Variants in BCL2 observed in about 807,000 individuals in gnomAD.
The protein encoded by BCL2 is BCL2 apoptosis regulator.
BCL2 carries 1 observed loss-of-function variant against 14.2 expected under a neutral mutation model. That is an observed-to-expected ratio of 0.07 (90% CI 0.02 to 0.33). BCL2 has a LOEUF of 0.33. BCL2 is among the 10% of genes least tolerant of loss of function. The pLI, the probability that BCL2 is intolerant of heterozygous loss-of-function variation, is 0.99. For missense variants in BCL2, 247 were observed against 305.9 expected (o/e 0.81, Z 1.44); for synonymous variants, 151 against 137.2 (o/e 1.10, Z -0.70).
intron 2 of BCL2, among the ~76,000 whole-genome samples, chr18:63,246,706 T>C (rs1292134432): frequency 1.3e-5 from 2 of 152,202 alleles, no homozygotes; most frequent in Non-Finnish European, 2.9e-5. Context: ...ACGTTATCCA[T>C]TTTGTTGTCT....
At chr18:63,230,575 A>T (rs978954802) in intron 2 of BCL2, among the ~76,000 whole-genome samples, 1 of 152,138 alleles carries the variant, frequency 6.6e-6, no homozygotes, top group Non-Finnish European at 1.5e-5. Context: ...ATAGGTAAAT[A>T]TTTGACAAGA....
At chr18:63,186,039 C>G (rs1915587208) in intron 2 of BCL2, among the ~76,000 whole-genome samples, 1 of 152,192 alleles carries the variant, frequency 6.6e-6, no homozygotes, top group Non-Finnish European at 1.5e-5. Context: ...CTGCTGATCA[C>G]TCAGTAATCT....
At chr18:63,155,385 C>T (rs1568217889) in intron 2 of BCL2, among the ~76,000 whole-genome samples, 1 of 151,982 alleles carries the variant, frequency 6.6e-6, no homozygotes, top group Non-Finnish European at 1.5e-5. Context: ...GGATGAGTCA[C>T]GAGACAGGAC....
At chr18:63,310,568 T>C (rs1913282411) in intron 2 of BCL2, among the ~76,000 whole-genome samples, 1 of 152,234 alleles carries the variant, frequency 6.6e-6, no homozygotes, top group Non-Finnish European at 1.5e-5. Context: ...GATTGGTAAG[T>C]TCCTTGAAGG....
At chr18:63,183,210 C>A (rs944719591) in intron 2 of BCL2, among the ~76,000 whole-genome samples, 1 of 152,194 alleles carries the variant, frequency 6.6e-6, no homozygotes, top group Admixed American at 6.5e-5. Context: ...TCATGGAGGG[C>A]AAGCCACCAG....
chr18:63,173,938 T>C (rs1185987894), intron 2 of BCL2, among the ~76,000 whole-genome samples: 1 of 152,202 alleles, frequency 6.6e-6, no homozygotes, highest in Non-Finnish European at 1.5e-5. Flanking sequence ...AATTTCAGTA[T>C]AGAAAGGGTT....
chr18:63,211,067 T>C (rs1226912070), intron 2 of BCL2, among the ~76,000 whole-genome samples: 2 of 127,186 alleles, frequency 1.6e-5, no homozygotes, highest in African/African-American at 6.0e-5. Flanking sequence ...TCATTTCTTT[T>C]TTTTTTTTTT....
intron 2 of BCL2, among the ~76,000 whole-genome samples, chr18:63,308,265 T>C (rs961656954): frequency 2.0e-5 from 3 of 152,226 alleles, no homozygotes; most frequent in Non-Finnish European, 4.4e-5. Flanking sequence ...CTTATTTTTA[T>C]GGGAGAAGAA....
chr18:63,154,549 G>A (rs1914726133), intron 2 of BCL2, among the ~76,000 whole-genome samples: 1 of 152,124 alleles, frequency 6.6e-6, no homozygotes, highest in Admixed American at 6.5e-5. Flanking sequence ...GGCAGCATCA[G>A]CTGCAGCCTC....
intron 2 of BCL2, among the ~76,000 whole-genome samples, chr18:63,219,450 A>ATTT: frequency 7.2e-6 from 1 of 138,648 alleles, no homozygotes; most frequent in South Asian, 2.3e-4. Context: ...CCACAGCAGA[A>ATTT]CTTTTTTTTT....
Position 63,212,219 on chromosome 18 carries a change from G to A in BCL2, c.586-83460C>T, listed in dbSNP as rs940535888. Among the ~76,000 whole-genome samples, 48 of 151,450 alleles carry A rather than the reference G, an allele frequency of 3.2e-4. 2 individuals are homozygous for A. Among genetic ancestry groups the A allele is most frequent in the East Asian group, 3.9e-4 (2 of 5,120 alleles). On this transcript the variant is annotated intron_variant, in intron 2 of 2. Coordinates refer to ENST00000333681, the MANE Select transcript of BCL2 (RefSeq NM_000633.3). ...CGGGCGCCTGTAGTCCCAGCTACTC[G>A]GGAGGCTGAGGCGAGACAGAATTGC...
chr18:63,318,871 C>T lies in BCL2; in HGVS notation c.-205G>A. 1.4e-6 allele frequency: 2 copies of T among 1,411,640 alleles called. No homozygotes were observed. The highest frequency in any genetic ancestry group is 1.9e-6 in the Non-Finnish European group (2 of 1,080,918). The allele number at this position is 1,411,640 out of a possible 1,614,324, so 87.4% of individuals were successfully genotyped here. A position where few individuals can be genotyped will look rare whatever the true frequency, so the allele number is the denominator to read the frequency against. On this transcript the variant is annotated 5_prime_UTR_variant, in exon 2 of 3. Transcript: ENST00000333681. The surrounding 1 kb of genome is among the most constrained non-coding windows in gnomAD (Gnocchi z 7.4). ...GCATGAGATGCAGGAAATTTTTATT[C>T]CAATTCCTTTCGGATCTTTATTTCA...
chr18:63,245,601 T>TAC (rs1035374656), intron 2 of BCL2, among the ~76,000 whole-genome samples: 1 of 152,144 alleles, frequency 6.6e-6, no homozygotes, highest in Non-Finnish European at 1.5e-5. Context: ...TGGGGTGAGA[T>TAC]ACACACACAC....
At chr18:63,171,833 T>C (rs1026664564) in intron 2 of BCL2, among the ~76,000 whole-genome samples, 3 of 152,026 alleles carry the variant, frequency 2.0e-5, no homozygotes, top group East Asian at 3.9e-4. Flanking sequence ...AGAAAAAAAT[T>C]ATCTGGGAGT....
chr18:63,243,941 C>T (rs1911083609), intron 2 of BCL2, among the ~76,000 whole-genome samples: 1 of 152,158 alleles, frequency 6.6e-6, no homozygotes, highest in East Asian at 1.9e-4. Flanking sequence ...GAGTCACTCT[C>T]AAGATTTCTA....
chr18:63,287,612 C>A (rs1481271863), intron 2 of BCL2, among the ~76,000 whole-genome samples: 1 of 151,776 alleles, frequency 6.6e-6, no homozygotes, highest in Non-Finnish European at 1.5e-5. Context: ...TCAAAACCCA[C>A]AAAGCTACAC....
At chr18:63,189,402 C>T (rs960493472) in intron 2 of BCL2, among the ~76,000 whole-genome samples, 51 of 152,148 alleles carry the variant, frequency 3.4e-4, no homozygotes, top group African/African-American at 1.2e-3. Flanking sequence ...CCATAAACAA[C>T]GCTGGAGGTC....
At chr18:63,274,475 G>A (rs1342903876) in intron 2 of BCL2, among the ~76,000 whole-genome samples, 1 of 151,804 alleles carries the variant, frequency 6.6e-6, no homozygotes, top group Non-Finnish European at 1.5e-5. Context: ...AGTAGAGACA[G>A]GGTTTCACCA....
At chr18:63,308,880 T>C (rs1321964931) in intron 2 of BCL2, among the ~76,000 whole-genome samples, 1 of 152,170 alleles carries the variant, frequency 6.6e-6, no homozygotes, top group East Asian at 1.9e-4. Context: ...TAAACAGTCA[T>C]TGTGTGTGCC....
Sources: gnomAD v4.1 joint callset for allele counts (sites outside exome capture counted in the v4.1 genomes callset) on GRCh38, gnomAD v4.1.1 for gene constraint, Gnocchi (gnomAD v3.1) non-coding constraint, MANE v1.5 for transcripts, NCBI Gene and HGNC (gene_info 2026-07-23, HGNC 2026-07-21) for gene names.